UBLCP1: variants seen among roughly 807,000 people sequenced by gnomAD.
UBLCP1 encodes the protein ubiquitin like domain containing CTD phosphatase 1, also known as ubiquitin-like domain-containing CTD phosphatase 1.
A neutral mutation model predicts 42.4 loss-of-function variants in UBLCP1; 28 were observed. The observed-to-expected ratio is 0.66, with a 90% confidence interval of 0.49 to 0.90. The LOEUF (loss-of-function observed/expected upper bound fraction) is 0.90. UBLCP1 is among the 40% of genes least tolerant of loss of function. The probability of loss-of-function intolerance (pLI) is 0.00; values close to 1 mark genes in which losing one functional copy is unlikely to be tolerated. For missense variants in UBLCP1, 279 were observed against 374.5 expected (o/e 0.75, Z 2.10); for synonymous variants, 122 against 120.8 (o/e 1.01, Z -0.07).
At chr5:159,281,259 T>G (rs2113322412) in intron 9 of UBLCP1, among the ~76,000 whole-genome samples, 1 of 152,344 alleles carries the variant, frequency 6.6e-6, no homozygotes, top group South Asian at 2.1e-4. Flanking sequence ...TTGGACACTT[T>G]GGTACATTAT....
intron 1 of UBLCP1, among the ~76,000 whole-genome samples, chr5:159,264,727 C>T (rs1311468423): frequency 6.6e-6 from 1 of 152,104 alleles, no homozygotes; most frequent in Non-Finnish European, 1.5e-5. Flanking sequence ...ATTCCTAGGT[C>T]CCTTCTCTCC....
intron 10 of UBLCP1, 64 bp from the exon 11 acceptor site, chr5:159,284,840 A>G: frequency 6.4e-7 from 1 of 1,569,302 alleles, no homozygotes; most frequent in Non-Finnish European, 8.8e-7. Context: ...TTGGGAGCAA[A>G]GTTAGGTTAT....
intron 8 of UBLCP1, 113 bp from the exon 9 acceptor site, chr5:159,278,125 G>T (rs1267407385): frequency 8.7e-6 from 6 of 687,034 alleles, no homozygotes; most frequent in Non-Finnish European, 1.0e-5. Context: ...CTGTCTTACA[G>T]GGGGAAAGGA....
At chr5:159,267,316 G>T (rs555836395) in intron 1 of UBLCP1, among the ~76,000 whole-genome samples, 1 of 152,094 alleles carries the variant, frequency 6.6e-6, no homozygotes, top group Non-Finnish European at 1.5e-5. Flanking sequence ...GCTGGATTTC[G>T]GACTTGCATG....
At chr5:159,275,315 C>T (rs1372790893) in intron 8 of UBLCP1, 69 bp downstream of exon 8, 7 of 1,208,722 alleles carry the variant, frequency 5.8e-6, no homozygotes, top group Non-Finnish European at 8.4e-6. Context: ...TATGTTTATA[C>T]CTATGGAGTA....
chr5:159,279,024 G>A lies in UBLCP1; in HGVS notation c.801+670G>A, dbSNP rs187554768. On this transcript the variant is annotated intron_variant, in intron 9 of 10. Transcript: ENST00000296786. ...GTTAGCTTGAGAAATGGCAGTAAGGGTACTTTGTTTTTTCTTTTTAAACTG... is the reference window on the plus strand; with the variant it reads ...GTTAGCTTGAGAAATGGCAGTAAGGATACTTTGTTTTTTCTTTTTAAACTG... Among the ~76,000 whole-genome samples, 400 of 152,264 alleles carry A rather than the reference G, an allele frequency of 2.6e-3. 2 individuals carry two copies. The highest frequency in any genetic ancestry group is 4.6e-3 in the Non-Finnish European group (313 of 68,028).
At chr5:159,273,066 T>G (rs1171884117) in intron 6 of UBLCP1, among the ~76,000 whole-genome samples, 4 of 152,218 alleles carry the variant, frequency 2.6e-5, no homozygotes, top group African/African-American at 9.6e-5. Flanking sequence ...GTTGTTGCAG[T>G]CTGTAAATTC....
chr5:159,284,765 C>T (rs1430024706), intron 10 of UBLCP1, 139 bp from the exon 11 acceptor site: 1 of 823,846 alleles, frequency 1.2e-6, no homozygotes, highest in Non-Finnish European at 2.1e-6. Context: ...TGCACATAAT[C>T]AGTAGATGTA....
intron 9 of UBLCP1, among the ~76,000 whole-genome samples, chr5:159,279,036 T>A (rs1753573519): frequency 6.6e-6 from 1 of 152,258 alleles, no homozygotes; most frequent in African/African-American, 2.4e-5. Context: ...ACTTTGTTTT[T>A]TCTTTTTAAA....
At chr5:159,265,836 C>G (rs1252208002) in intron 1 of UBLCP1, among the ~76,000 whole-genome samples, 1 of 152,084 alleles carries the variant, frequency 6.6e-6, no homozygotes, top group Non-Finnish European at 1.5e-5. Flanking sequence ...CCCACCACCA[C>G]CTCTGGCTAA....
intron 10 of UBLCP1, among the ~76,000 whole-genome samples, chr5:159,284,304 C>T (rs903810279): frequency 5.9e-5 from 9 of 152,156 alleles, no homozygotes; most frequent in African/African-American, 2.2e-4. Flanking sequence ...CATCCCCACA[C>T]CACCAATTAT....
In UBLCP1 at chr5:159,285,577, G is replaced by GA. The variant is rs768677422; in HGVS notation, c.*650dup. ...GTGTGTACATGTCCAAGTAAAGCTG[G>GA]AAAATGTCAGTCTTGACACAGCTGT... On this transcript the variant is annotated 3_prime_UTR_variant, in exon 11 of 11. Coordinates refer to ENST00000296786, the MANE Select transcript of UBLCP1 (RefSeq NM_145049.5). The GA allele has an allele frequency of 6.6e-6, 1 of 152,362 alleles. No individual in the cohort carries two copies. Among genetic ancestry groups the GA allele is most frequent in the South Asian group, 2.1e-4 (1 of 4,810 alleles). 9.4% of individuals were successfully genotyped at this position (152,362 alleles called of 1,614,324 possible).
In UBLCP1 at chr5:159,285,227, CACACACACACACACACAAA is replaced by C. The variant is rs1344547941; in HGVS notation, c.*297_*315del. 3.0e-5 allele frequency: 8 copies of C among 262,510 alleles called. No homozygotes were observed. Among genetic ancestry groups the C allele is most frequent in the East Asian group, 8.1e-5 (1 of 12,336 alleles). The allele number at this position is 262,510 out of a possible 1,614,324, so 16.3% of individuals were successfully genotyped here. On this transcript the variant is annotated 3_prime_UTR_variant, in exon 11 of 11. Transcript: ENST00000296786. ...ACACACACACACACACACACACACA[CACACACACACACACACAAA>C]GTGGAGAAAAATGTATACTCAACAA...
intron 9 of UBLCP1, among the ~76,000 whole-genome samples, chr5:159,279,277 A>G (rs183676187): frequency 8.9e-4 from 136 of 152,388 alleles, no homozygotes; most frequent in Admixed American, 1.6e-3. Context: ...TGACAATCTT[A>G]GCATGCAACT....
At position 159,284,968 on chromosome 5, in the gene UBLCP1, G is replaced by T. The variant is rs145043122; in HGVS notation, c.*37G>T. 8 of 1,602,846 alleles carry T rather than the reference G, an allele frequency of 5.0e-6. No homozygotes were observed. The Admixed American group carries it at 1.3e-4, about 27-fold the overall frequency. ...ACTGGCAGTTATTGAAGATACTTAAGATCCAAGAACTTCTTGCTTTTATGC... is the reference window on the plus strand; with the variant it reads ...ACTGGCAGTTATTGAAGATACTTAATATCCAAGAACTTCTTGCTTTTATGC... On this transcript the variant is annotated 3_prime_UTR_variant, in exon 11 of 11. Transcript: ENST00000296786.
chr5:159,284,985 CTTTTATGCTAGAAA>C lies in UBLCP1; in HGVS notation c.*56_*69del. On this transcript the variant is annotated 3_prime_UTR_variant, in exon 11 of 11. Coordinates refer to ENST00000296786, the MANE Select transcript of UBLCP1 (RefSeq NM_145049.5). ...ATACTTAAGATCCAAGAACTTCTTG[CTTTTATGCTAGAAA>C]TCATTATGATAGTGCTGGACACTGA... The C allele has an allele frequency of 6.5e-7, 1 of 1,549,740 alleles. No individual in the cohort carries two copies. The highest frequency in any genetic ancestry group is 8.9e-7 in the Non-Finnish European group (1 of 1,122,468).
At chr5:159,266,556 T>C (rs971022088) in intron 1 of UBLCP1, among the ~76,000 whole-genome samples, 2 of 152,222 alleles carry the variant, frequency 1.3e-5, no homozygotes, top group African/African-American at 4.8e-5. Flanking sequence ...TGCAGAAATC[T>C]GCGTAAGTAT....
At chr5:159,275,562 C>T (rs1035481080) in intron 8 of UBLCP1, among the ~76,000 whole-genome samples, 3 of 151,864 alleles carry the variant, frequency 2.0e-5, no homozygotes, top group African/African-American at 7.3e-5. Context: ...AGGCACCCGC[C>T]ACCACGCCCG....
At position 159,278,297 on chromosome 5, in the gene UBLCP1, C is replaced by G. The variant is rs1427563346; in HGVS notation, c.744C>G (p.Thr248=). Residue 248 remains threonine, a synonymous_variant, in exon 9 of 11, where the codon ACC becomes ACG. Transcript: ENST00000296786. ...CGGAGTTTTACAGCAAGAAAAACAC[C>G]ATTATGTTTGATGACATAGGGAGAA... ...KFSEFYSKKN[T]IMFDDIGRNF... The G allele has an allele frequency of 1.9e-6, 3 of 1,613,672 alleles. No individual in the cohort carries two copies.
Sources: gnomAD v4.1 joint callset for allele counts (sites outside exome capture counted in the v4.1 genomes callset) on GRCh38, gnomAD v4.1.1 for gene constraint, MANE v1.5 for transcripts, NCBI Gene and HGNC (gene_info 2026-07-23, HGNC 2026-07-21) for gene names.